The following EIF3D variants were observed in gnomAD, a reference collection of about 807,000 sequenced individuals.
EIF3D encodes the protein eIF3 p66.
In EIF3D, 10 loss-of-function variants were observed where a neutral mutation model predicts 75.4. The observed-to-expected ratio is 0.13, with a 90% CI of 0.08 to 0.22. The LOEUF is 0.22. EIF3D is among the 10% of genes least tolerant of loss of function. The pLI, the probability that EIF3D is intolerant of heterozygous loss-of-function variation, is 1.00. For synonymous variants in EIF3D, 246 were observed against 248.3 expected (o/e 0.99, Z 0.09); for missense variants, 394 against 708.0 (o/e 0.56, Z 5.03).
rs1425230539 is a variant in EIF3D at position 36,523,976 on chromosome 22, T to C, written c.311A>G (p.Asn104Ser). ...CCGACGATCTTTGTCTCTGCGGAGG[T>C]TCCTCTGGGCATCAGCAAGAAACAT... ...QRNRMRFAQRNLRRDKDRRNM... is the reference protein window; with the variant it reads ...QRNRMRFAQRSLRRDKDRRNM... The change falls in exon 5 of 15, where the codon AAC (asparagine) becomes AGC (serine). Residue 104 changes from asparagine (N) to serine (S), a missense_variant. Asn to Ser is a conservative substitution (Grantham distance 46). Coordinates refer to ENST00000216190, the MANE Select transcript of EIF3D (RefSeq NM_003753.4). 23 of 1,613,980 alleles carry C rather than the reference T, an allele frequency of 1.4e-5. No homozygotes were observed. Among genetic ancestry groups the C allele is most frequent in the Non-Finnish European group, 1.9e-5 (22 of 1,179,960 alleles).
chr22:36,512,780 A>C, intron 12 of EIF3D, 178 bp from the exon 13 acceptor site: 2 of 665,662 alleles, frequency 3.0e-6, no homozygotes, highest in Non-Finnish European at 4.9e-6. Context: ...AGCCTGCCGC[A>C]CAGCAGTCAC....
At chr22:36,526,282 T>A (rs896828934) in intron 1 of EIF3D, among the ~76,000 whole-genome samples, 151 bp from the exon 2 acceptor site, 1 of 152,246 alleles carries the variant, frequency 6.6e-6, no homozygotes, top group African/African-American at 2.4e-5. Context: ...CTACTACTGT[T>A]TTTGTTAATT....
intron 7 of EIF3D, 150 bp downstream of exon 7, chr22:36,520,426 T>C (rs902459239): frequency 1.0e-4 from 53 of 522,024 alleles, no homozygotes; most frequent in Non-Finnish European, 1.6e-4. Flanking sequence ...TCTTGATTTT[T>C]TTCAAATACC....
intron 10 of EIF3D, 129 bp downstream of exon 10, chr22:36,517,172 C>T: frequency 7.9e-7 from 1 of 1,259,750 alleles, no homozygotes; most frequent in Non-Finnish European, 1.1e-6. Flanking sequence ...TGTAACTCCC[C>T]TGCTAAAGGT....
chr22:36,519,356 G>A, intron 8 of EIF3D, 49 bp downstream of exon 8: 1 of 1,609,928 alleles, frequency 6.2e-7, no homozygotes, highest in South Asian at 1.1e-5. Flanking sequence ...AGCTGTAGAA[G>A]CCGACAGCAT....
chr22:36,512,424 C>T, intron 13 of EIF3D, 36 bp downstream of exon 13: 2 of 1,611,782 alleles, frequency 1.2e-6, no homozygotes, highest in South Asian at 2.2e-5. Flanking sequence ...CTTCCTTTCA[C>T]AAGATCAGCT....
At chr22:36,527,249 C>T (rs1430649455) in intron 1 of EIF3D, among the ~76,000 whole-genome samples, 2 of 152,196 alleles carry the variant, frequency 1.3e-5, no homozygotes, top group Non-Finnish European at 2.9e-5. Flanking sequence ...TGCCAACAAT[C>T]CTGTGAGGTA....
At chr22:36,525,938 A>G (rs1184083767) in intron 2 of EIF3D, 61 bp downstream of exon 2, 4 of 1,550,216 alleles carry the variant, frequency 2.6e-6, no homozygotes, top group Non-Finnish European at 3.5e-6. Context: ...AAATCTAAAC[A>G]GGGACTCGAG....
Position 36,512,620 on chromosome 22 carries a change from T to G in EIF3D, c.1207-18A>C. ...TTACAGTGCTGCAGGAGAGCCCCGTTAGAGAAACAGAAGCAAGCTCCAAAT... is the reference window on the plus strand; with the variant it reads ...TTACAGTGCTGCAGGAGAGCCCCGTGAGAGAAACAGAAGCAAGCTCCAAAT... On this transcript the variant is annotated intron_variant, in intron 12 of 14. Transcript: ENST00000216190. 1 of 1,602,886 alleles carries G rather than the reference T, an allele frequency of 6.2e-7. No individual in the cohort carries two copies. The highest frequency in any genetic ancestry group is 8.5e-7 in the Non-Finnish European group (1 of 1,171,570).
rs773180952 is a variant in EIF3D, at chr22:36,512,445, G to A, written c.1349+15C>T. 2.5e-6 allele frequency: 4 copies of A among 1,613,812 alleles called. No individual in the cohort carries two copies. The highest frequency in any genetic ancestry group is 2.5e-6 in the Non-Finnish European group (3 of 1,179,782). The stretch of plus-strand genomic sequence containing the variant: ...TTCACAAGATCAGCTGCCAGCTCCT[G>A]CACAGGAATCTCACCCAAGCTTGAG... On this transcript the variant is annotated intron_variant, in intron 13 of 14. Coordinates refer to ENST00000216190, the MANE Select transcript of EIF3D (RefSeq NM_003753.4).
intron 1 of EIF3D, 82 bp from the exon 2 acceptor site, chr22:36,526,213 AC>A: frequency 1.4e-6 from 2 of 1,400,854 alleles, no homozygotes; most frequent in Non-Finnish European, 1.9e-6. Flanking sequence ...GTAAGCAAAG[AC>A]ATAAATGATA....
chr22:36,511,752 G>C lies in EIF3D; in HGVS notation c.1384C>G (p.Arg462Gly). 6.2e-7 allele frequency: 1 copy of C among 1,614,066 alleles called. No individual in the cohort carries two copies. Among genetic ancestry groups the C allele is most frequent in the South Asian group, 1.1e-5 (1 of 91,072 alleles). Residue 462 changes from arginine to glycine, a missense_variant, in exon 14 of 15, where the codon CGC becomes GGC. Coordinates refer to ENST00000216190, the MANE Select transcript of EIF3D (RefSeq NM_003753.4). Reference sequence around the variant, plus strand: ...TGCTGGGTGCCTAGGATGACGTGGCGTGAGGAGTCTTTCACGTGGTACCGA... The same window carrying C: ...TGCTGGGTGCCTAGGATGACGTGGCCTGAGGAGTCTTTCACGTGGTACCGA... ...VSRYHVKDSS[R>G]HVILGTQQFK...
chr22:36,516,883 C>G (rs1934436519), intron 10 of EIF3D, 93 bp from the exon 11 acceptor site: 3 of 1,222,902 alleles, frequency 2.5e-6, no homozygotes, highest in Non-Finnish European at 3.6e-6. Context: ...TAGTTGCAGC[C>G]CTGGCCAGGT....
chr22:36,519,324 CTTCTG>C (rs1426178559), intron 8 of EIF3D, 76 bp downstream of exon 8: 9 of 1,582,822 alleles, frequency 5.7e-6, no homozygotes, highest in African/African-American at 4.1e-5. Flanking sequence ...ATTCCCATGT[CTTCTG>C]TTCTTTCTGC....
intron 13 of EIF3D, 65 bp downstream of exon 13, chr22:36,512,395 C>A: frequency 6.3e-7 from 1 of 1,585,696 alleles, no homozygotes; most frequent in South Asian, 1.1e-5. Flanking sequence ...AGGGGAGGGT[C>A]AACCTCCCTA....
rs1934338995 is a variant in EIF3D, at chr22:36,511,651, A to G, written c.1485T>C (p.Ile495=). ...CCTCCTCCAGCTTCATGCAGATGTCAATGACGCAGCGTAAAATGCCCCAGG... is the reference window on the plus strand; with the variant it reads ...CCTCCTCCAGCTTCATGCAGATGTCGATGACGCAGCGTAAAATGCCCCAGG... ...ENAWGILRCV[I]DICMKLEEGK... Residue 495 remains isoleucine (I), a synonymous_variant, in exon 14 of 15, where the codon ATT becomes ATC. Transcript: ENST00000216190. 1 of 1,614,092 alleles carries G rather than the reference A, an allele frequency of 6.2e-7. No individual in the cohort carries two copies. The highest frequency in any genetic ancestry group is 8.5e-7 in the Non-Finnish European group (1 of 1,180,028).
At chr22:36,512,380 CG>C in intron 13 of EIF3D, 79 bp downstream of exon 13, 2 of 1,562,616 alleles carry the variant, frequency 1.3e-6, no homozygotes, top group Non-Finnish European at 1.7e-6. Flanking sequence ...GTCCAGTACA[CG>C]GGGAGGGGAG....
At chr22:36,512,391 G>A (rs1040875361) in intron 13 of EIF3D, 69 bp downstream of exon 13, 6 of 1,586,016 alleles carry the variant, frequency 3.8e-6, no homozygotes, top group Middle Eastern at 1.7e-4. Context: ...GGGGAGGGGA[G>A]GGTCAACCTC....
chr22:36,523,031 G>A, intron 6 of EIF3D, 178 bp downstream of exon 6: 1 of 583,498 alleles, frequency 1.7e-6, no homozygotes, highest in South Asian at 1.8e-5. Context: ...AAAGGGTAAG[G>A]GATTCTTTTG....
Sources: gnomAD v4.1 joint callset for allele counts (sites outside exome capture counted in the v4.1 genomes callset) on GRCh38, gnomAD v4.1.1 for gene constraint, MANE v1.5 for transcripts, NCBI Gene and HGNC (gene_info 2026-07-23, HGNC 2026-07-21) for gene names.